SNRPG: variants seen among roughly 807,000 people sequenced by gnomAD.
SNRPG encodes small nuclear ribonucleoprotein polypeptide G.
SNRPG carries 3 observed loss-of-function variants against 13.9 expected under a neutral mutation model. The observed-to-expected ratio is 0.22, with a 90% CI of 0.10 to 0.56. The LOEUF is 0.56. Among genes scored for constraint, SNRPG ranks in the 20% least tolerant of loss-of-function variants. The pLI is 0.93. For synonymous variants in SNRPG, 29 were observed against 29.3 expected (o/e 0.99, Z 0.03); for missense variants, 34 against 96.1 (o/e 0.35, Z 2.70).
intron 2 of SNRPG, among the ~76,000 whole-genome samples, chr2:70,288,916 TTAAC>T (rs1414034768): frequency 2.0e-5 from 3 of 152,204 alleles, no homozygotes; most frequent in Admixed American, 6.6e-5. Context: ...AGTAATCTGC[TTAAC>T]TAACGGATGT....
At chr2:70,281,951 ACT>A (rs1422933977) in intron 3 of SNRPG, among the ~76,000 whole-genome samples, 1 of 151,908 alleles carries the variant, frequency 6.6e-6, no homozygotes, top group Non-Finnish European at 1.5e-5. Context: ...AGACAGTCTC[ACT>A]CTGTTGCCCA....
intron 1 of SNRPG, chr2:70,292,902 C>T (rs886472490): frequency 1.9e-6 from 1 of 523,176 alleles, no homozygotes; most frequent in Non-Finnish European, 3.4e-6. Context: ...GAATTCAAAG[C>T]TTTACGTTGA....
Position 70,293,658 on chromosome 2 carries a change from C to T in SNRPG, c.-9G>A. 1 of 1,614,010 alleles carries T rather than the reference C, an allele frequency of 6.2e-7. No homozygotes were observed. The highest frequency in any genetic ancestry group is 1.1e-5 in the South Asian group (1 of 91,080). On this transcript the variant is annotated 5_prime_UTR_variant, in exon 1 of 4. Transcript: ENST00000272348. ...GGGTGAGCTTTGCTCATGGTGTATACTCCGCGGGCTCACAGATGCCTTGGA... is the reference window on the plus strand; with the variant it reads ...GGGTGAGCTTTGCTCATGGTGTATATTCCGCGGGCTCACAGATGCCTTGGA...
rs534450472 is a variant in SNRPG at position 70,282,531 on chromosome 2, C to T, written c.181-847G>A. On this transcript the variant is annotated intron_variant, in intron 3 of 3. Coordinates refer to ENST00000272348, the MANE Select transcript of SNRPG (RefSeq NM_003096.4). Reference sequence around the variant, plus strand: ...TAATTTGAATGCAGTAAAAAGTTCACGAAGAGAATCAGGAAACAAAGATAG... The same window carrying T: ...TAATTTGAATGCAGTAAAAAGTTCATGAAGAGAATCAGGAAACAAAGATAG... 5.9e-5 allele frequency among the ~76,000 whole-genome samples: 9 copies of T among 152,170 alleles called. No homozygotes were observed. The East Asian group carries it at 1.4e-3, about 23-fold the overall frequency.
At position 70,289,382 on chromosome 2, in the gene SNRPG, G is replaced by C. The variant is rs1456797671; in HGVS notation, c.33-10C>G. 7.1e-7 allele frequency: 1 copy of C among 1,417,392 alleles called. No homozygotes were observed. The highest frequency in any genetic ancestry group is 1.2e-5 in the South Asian group (1 of 80,898). The allele number at this position is 1,417,392 out of a possible 1,614,324, so 87.8% of individuals were successfully genotyped here. On this transcript the variant is annotated splice_polypyrimidine_tract_variant and intron_variant, in intron 1 of 3. Transcript: ENST00000272348. ...CTTCTTGTCCATAAATCTGAAAAAG[G>C]AAAAGGGTAAAGATTATATAACCAA...
At chr2:70,292,821 G>A (rs1011755338) in intron 1 of SNRPG, 1 of 289,486 alleles carries the variant, frequency 3.5e-6, no homozygotes, top group African/African-American at 2.2e-5. Context: ...CCAGCATCAG[G>A]AAGTATAAGC....
intron 3 of SNRPG, chr2:70,287,507 T>C (rs1696973066): frequency 5.4e-6 from 3 of 559,888 alleles, no homozygotes; most frequent in Non-Finnish European, 9.4e-6. Context: ...TCCTGCTTTT[T>C]CTCTCATGTG....
intron 1 of SNRPG, among the ~76,000 whole-genome samples, chr2:70,290,823 TAAAAAAAAAAAAAAAAAAAAAA>T (rs57720967): frequency 4.4e-4 from 11 of 25,262 alleles, no homozygotes; most frequent in Admixed American, 7.5e-4. Flanking sequence ...CCGTCTCTAC[TAAAAAAAAAAAAAAAAAAAAAA>T]AAAAAAAAAA....
chr2:70,287,260 C>G, intron 3 of SNRPG: 1 of 699,090 alleles, frequency 1.4e-6, no homozygotes, highest in Non-Finnish European at 2.6e-6. Context: ...ATTAGCAACT[C>G]TTACCACTCC....
intron 1 of SNRPG, chr2:70,293,386 T>C (rs146154076): frequency 1.1e-5 from 7 of 628,976 alleles, no homozygotes; most frequent in Middle Eastern, 2.5e-4. Context: ...ACCTGGAGAC[T>C]AGTCGGCCGG....
chr2:70,283,598 TAGC>T (rs1436550117), intron 3 of SNRPG, among the ~76,000 whole-genome samples: 1 of 152,176 alleles, frequency 6.6e-6, no homozygotes, highest in African/African-American at 2.4e-5. Context: ...CCTAAAATAG[TAGC>T]AGGCACACAG....
At chr2:70,282,489 AG>A in intron 3 of SNRPG, among the ~76,000 whole-genome samples, 1 of 152,342 alleles carries the variant, frequency 6.6e-6, no homozygotes, top group African/African-American at 2.4e-5. Context: ...AAAGTATGAG[AG>A]GATAAGGAAG....
Position 70,281,693 on chromosome 2 carries a change from G to A in SNRPG, c.181-9C>T. The A allele has an allele frequency of 6.7e-7, 1 of 1,487,872 alleles. No homozygotes were observed. 92.2% of individuals were successfully genotyped at this position (1,487,872 alleles called of 1,614,324 possible). ...CTATTTCCTCGTATTACCTAAGAAA[G>A]AGAAAAATAAATTTGAAAAGAACAA... On this transcript the variant is annotated splice_polypyrimidine_tract_variant and intron_variant, in intron 3 of 3. Transcript: ENST00000272348.
At chr2:70,291,116 C>T (rs1433357972) in intron 1 of SNRPG, among the ~76,000 whole-genome samples, 1 of 151,608 alleles carries the variant, frequency 6.6e-6, no homozygotes, top group Non-Finnish European at 1.5e-5. Context: ...ATATAACACA[C>T]AAGATCTTAT....
chr2:70,283,126 A>G (rs1449576110), intron 3 of SNRPG, among the ~76,000 whole-genome samples: 3 of 143,594 alleles, frequency 2.1e-5, no homozygotes, highest in African/African-American at 8.1e-5. Context: ...AAAAAAAAAC[A>G]ACAAACCAAA....
At chr2:70,282,951 G>A (rs1021713496) in intron 3 of SNRPG, among the ~76,000 whole-genome samples, 4 of 151,702 alleles carry the variant, frequency 2.6e-5, no homozygotes, top group Non-Finnish European at 5.9e-5. Flanking sequence ...AAAATTAGCC[G>A]GGTGTGGTGG....
chr2:70,283,096 C>CAAAAAAAAAAAAAAAAAAAAAAAA (rs57862220), intron 3 of SNRPG, among the ~76,000 whole-genome samples: 3 of 14,044 alleles, frequency 2.1e-4, no homozygotes, highest in African/African-American at 1.0e-3. Flanking sequence ...TGTCTTTTGT[C>CAAAAAAAAAAAAAAAAAAAAAAAA]AAAAAAAAAA....
chr2:70,283,132 CCAA>C (rs1696855346), intron 3 of SNRPG, among the ~76,000 whole-genome samples: 1 of 64,576 alleles, frequency 1.5e-5, no homozygotes, highest in Admixed American at 1.6e-4. Flanking sequence ...AAACAACAAA[CCAA>C]AACCAAAACA....
chr2:70,284,524 G>C (rs1696892983), intron 3 of SNRPG, among the ~76,000 whole-genome samples: 1 of 152,058 alleles, frequency 6.6e-6, no homozygotes, highest in Admixed American at 6.6e-5. Flanking sequence ...GCTGGGACCA[G>C]AGGCATGAGC....
Sources: allele counts gnomAD v4.1 joint callset (sites outside exome capture counted in the v4.1 genomes callset), GRCh38; gene constraint gnomAD v4.1.1; transcripts MANE v1.5; gene names NCBI Gene and HGNC (gene_info 2026-07-23, HGNC 2026-07-21).